DIAPH3: variants seen among roughly 807,000 people sequenced by gnomAD.
DIAPH3 encodes the protein diaphanous related formin 3, also known as protein diaphanous homolog 3.
A neutral mutation model predicts 144.3 loss-of-function variants in DIAPH3; 117 were observed. The ratio of observed to expected loss-of-function variants is 0.81; its 90% confidence interval spans 0.70 to 0.95. The LOEUF is 0.95. Among genes scored for constraint, DIAPH3 ranks in the 40% least tolerant of loss-of-function variants. The probability of loss-of-function intolerance (pLI) is 0.00; values close to 1 mark genes in which losing one functional copy is unlikely to be tolerated. For synonymous variants in DIAPH3, 519 were observed against 488.9 expected (o/e 1.06, Z -0.81); for missense variants, 1,421 against 1,412.7 (o/e 1.01, Z -0.09).
intron 27 of DIAPH3, among the ~76,000 whole-genome samples, chr13:59,751,040 C>T (rs2036982418): frequency 6.6e-6 from 1 of 152,254 alleles, no homozygotes; most frequent in Admixed American, 6.5e-5. Flanking sequence ...CCTTCAGCAG[C>T]AATGCTTTTG....
intron 24 of DIAPH3, among the ~76,000 whole-genome samples, chr13:59,829,702 T>C (rs1217634452): frequency 6.6e-6 from 1 of 151,900 alleles, no homozygotes; most frequent in Non-Finnish European, 1.5e-5. Flanking sequence ...CAGACACAGA[T>C]CTTACTAAAG....
At chr13:60,073,124 C>T (rs977531157) in intron 4 of DIAPH3, among the ~76,000 whole-genome samples, 3 of 152,100 alleles carry the variant, frequency 2.0e-5, no homozygotes, top group Admixed American at 2.0e-4. Context: ...GGCTGGTAGA[C>T]ATGGCAAAAC....
At chr13:60,157,967 A>G (rs1226822750) in intron 1 of DIAPH3, among the ~76,000 whole-genome samples, 3 of 152,134 alleles carry the variant, frequency 2.0e-5, no homozygotes, top group Non-Finnish European at 4.4e-5. Context: ...CTCCTCATTT[A>G]TCAGCTATAT....
At chr13:60,112,690 G>A (rs1412497643) in intron 2 of DIAPH3, among the ~76,000 whole-genome samples, 1 of 152,022 alleles carries the variant, frequency 6.6e-6, no homozygotes, top group Non-Finnish European at 1.5e-5. Context: ...TAGCTTAGTG[G>A]CCTGATAAAC....
At chr13:59,972,642 C>G (rs1240150228) in intron 15 of DIAPH3, among the ~76,000 whole-genome samples, 1 of 152,176 alleles carries the variant, frequency 6.6e-6, no homozygotes, top group Non-Finnish European at 1.5e-5. Flanking sequence ...CAGTGTTACT[C>G]TGGGTTGCTG....
At chr13:59,835,495 C>T (rs536644295) in intron 23 of DIAPH3, among the ~76,000 whole-genome samples, 78 of 151,754 alleles carry the variant, frequency 5.1e-4, no homozygotes, top group African/African-American at 1.9e-3. Context: ...GGGTAGTACT[C>T]CCTTGTAGGT....
chr13:60,029,417 C>T (rs1320653082), intron 5 of DIAPH3, among the ~76,000 whole-genome samples: 1 of 152,128 alleles, frequency 6.6e-6, no homozygotes, highest in Non-Finnish European at 1.5e-5. Flanking sequence ...GTCTCTGTCA[C>T]CACCCAAATC....
chr13:60,046,413 C>A (rs9528057), intron 4 of DIAPH3, among the ~76,000 whole-genome samples: 10,119 of 152,094 alleles, frequency 0.067, 490 homozygotes, highest in Middle Eastern at 0.19. Flanking sequence ...CAAATCAAAA[C>A]CAAAATGAGA....
intron 27 of DIAPH3, among the ~76,000 whole-genome samples, chr13:59,740,423 C>T (rs2036388909): frequency 6.6e-6 from 1 of 152,072 alleles, no homozygotes; most frequent in South Asian, 2.1e-4. Context: ...ATAGATAGTA[C>T]CTGTCACATA....
At chr13:59,901,094 C>G (rs2046402266) in intron 20 of DIAPH3, among the ~76,000 whole-genome samples, 1 of 152,214 alleles carries the variant, frequency 6.6e-6, no homozygotes, top group Non-Finnish European at 1.5e-5. Flanking sequence ...GTTAACCAGT[C>G]ACTGGCTTTA....
At chr13:59,843,300 T>G (rs1220790234) in intron 22 of DIAPH3, among the ~76,000 whole-genome samples, 4 of 152,192 alleles carry the variant, frequency 2.6e-5, no homozygotes, top group African/African-American at 9.6e-5. Flanking sequence ...AAGCACATTT[T>G]TGGCTCATTC....
chr13:59,767,989 G>C (rs887277927), intron 27 of DIAPH3, among the ~76,000 whole-genome samples: 1 of 152,180 alleles, frequency 6.6e-6, no homozygotes, highest in Admixed American at 6.5e-5. Context: ...TCTACCCACA[G>C]GGCATCCTTA....
Position 60,015,900 on chromosome 13 carries a change from C to T in DIAPH3, c.771+13G>A, listed in dbSNP as rs1360061981. 21 of 1,597,044 alleles carry T rather than the reference C, an allele frequency of 1.3e-5. No homozygotes were observed. Among genetic ancestry groups the T allele is most frequent in the African/African-American group, 2.7e-5 (2 of 74,524 alleles). On this transcript the variant is annotated intron_variant, in intron 7 of 27. Transcript: ENST00000400324. ...ATTGGTGACGGACAAATACTAATTA[C>T]GTATGTACATACCTGCGTATTCATC...
rs191101842 is a variant in DIAPH3, at chr13:60,123,696, A to G, written c.213+9261T>C. ...TGCTGGTATTTCTACTTTACACAGAAGAGTATAATATGAATATATAGTTTT... is the reference window on the plus strand; with the variant it reads ...TGCTGGTATTTCTACTTTACACAGAGGAGTATAATATGAATATATAGTTTT... On this transcript the variant is annotated intron_variant, in intron 2 of 27. Coordinates refer to ENST00000400324, the MANE Select transcript of DIAPH3 (RefSeq NM_001042517.2). Among the ~76,000 whole-genome samples, 33 of 152,322 alleles carry G rather than the reference A, an allele frequency of 2.2e-4. No individual in the cohort carries two copies. The East Asian group carries it at 4.1e-3, about 19-fold the overall frequency.
chr13:59,679,049 A>G (rs2032795370), intron 27 of DIAPH3, among the ~76,000 whole-genome samples: 1 of 152,174 alleles, frequency 6.6e-6, no homozygotes, highest in Non-Finnish European at 1.5e-5. Flanking sequence ...TTCAATTCTG[A>G]TGGTTTTTGC....
At chr13:59,988,726 T>C (rs1201321660) in intron 12 of DIAPH3, among the ~76,000 whole-genome samples, 1 of 151,872 alleles carries the variant, frequency 6.6e-6, no homozygotes, top group East Asian at 1.9e-4. Flanking sequence ...GAGGAGTTTT[T>C]GAAATCTTCA....
At chr13:59,749,049 A>G (rs2036847632) in intron 27 of DIAPH3, among the ~76,000 whole-genome samples, 1 of 151,682 alleles carries the variant, frequency 6.6e-6, no homozygotes, top group South Asian at 2.1e-4. Context: ...CCCCGTCTCT[A>G]CTGAGAGTGA....
At chr13:60,007,517 A>T (rs1385938266) in intron 9 of DIAPH3, among the ~76,000 whole-genome samples, 2 of 152,262 alleles carry the variant, frequency 1.3e-5, no homozygotes, top group Admixed American at 1.3e-4. Flanking sequence ...TGTGAAAGAG[A>T]TTTACTTCAT....
At chr13:59,806,582 CTATCT>C (rs903029912) in intron 25 of DIAPH3, among the ~76,000 whole-genome samples, 2 of 151,856 alleles carry the variant, frequency 1.3e-5, no homozygotes, top group Non-Finnish European at 2.9e-5. Flanking sequence ...TCTCATTATC[CTATCT>C]TATTTTAGTT....
Sources: allele counts gnomAD v4.1 joint callset (sites outside exome capture counted in the v4.1 genomes callset), GRCh38; gene constraint gnomAD v4.1.1; transcripts MANE v1.5; gene names NCBI Gene and HGNC (gene_info 2026-07-23, HGNC 2026-07-21).